The following DOK6 variants were observed in gnomAD, a reference collection of about 807,000 sequenced individuals.
The protein encoded by DOK6 is downstream of tyrosine kinase 6.
In DOK6, 22 loss-of-function variants were observed where a neutral mutation model predicts 44.0. The observed-to-expected ratio is 0.50, with a 90% CI of 0.36 to 0.71. DOK6 has a LOEUF of 0.71. Among genes scored for constraint, DOK6 ranks in the 30% least tolerant of loss-of-function variants. The probability of loss-of-function intolerance (pLI) is 0.00; values close to 1 mark genes in which losing one functional copy is unlikely to be tolerated. For synonymous variants in DOK6, 166 were observed against 145.5 expected (o/e 1.14, Z -1.01); for missense variants, 340 against 416.4 (o/e 0.82, Z 1.60).
At chr18:69,713,374 A>C (rs1419319359) in intron 5 of DOK6, among the ~76,000 whole-genome samples, 2 of 152,198 alleles carry the variant, frequency 1.3e-5, no homozygotes, top group Non-Finnish European at 2.9e-5. Flanking sequence ...TAAAGAACTA[A>C]TACTGTGGGA....
At chr18:69,675,569 G>A (rs544211362) in intron 3 of DOK6, among the ~76,000 whole-genome samples, 1 of 152,196 alleles carries the variant, frequency 6.6e-6, no homozygotes, top group East Asian at 1.9e-4. Context: ...AATGTTAAAT[G>A]ACGAATTAAT....
intron 7 of DOK6, among the ~76,000 whole-genome samples, chr18:69,828,083 T>A (rs985457699): frequency 3.3e-5 from 5 of 151,922 alleles, no homozygotes; most frequent in African/African-American, 1.2e-4. Context: ...AAGTAGTTCC[T>A]TGATTATTAA....
At chr18:69,444,785 G>A (rs1467902232) in intron 1 of DOK6, among the ~76,000 whole-genome samples, 1 of 151,564 alleles carries the variant, frequency 6.6e-6, no homozygotes, top group Non-Finnish European at 1.5e-5. Flanking sequence ...TCTTGAAATT[G>A]AGAAATATGA....
intron 3 of DOK6, among the ~76,000 whole-genome samples, chr18:69,659,073 AG>A (rs2036105322): frequency 6.6e-6 from 1 of 152,372 alleles, no homozygotes; most frequent in African/African-American, 2.4e-5. Flanking sequence ...ATCAAATAGT[AG>A]AACAATATAA....
chr18:69,570,061 G>A (rs1250566992), intron 2 of DOK6, among the ~76,000 whole-genome samples: 1 of 151,552 alleles, frequency 6.6e-6, no homozygotes, highest in Non-Finnish European at 1.5e-5. Flanking sequence ...GTGGATGGAA[G>A]GAGGTTTCAG....
chr18:69,427,331 T>A (rs1253863825), intron 1 of DOK6, among the ~76,000 whole-genome samples: 1 of 152,030 alleles, frequency 6.6e-6, no homozygotes, highest in African/African-American at 2.4e-5. Flanking sequence ...AACAGATACT[T>A]CTCAAAAGAA....
chr18:69,650,446 C>T (rs1287909094), intron 3 of DOK6, among the ~76,000 whole-genome samples: 1 of 152,016 alleles, frequency 6.6e-6, no homozygotes, highest in Non-Finnish European at 1.5e-5. Flanking sequence ...CATGTCAGAC[C>T]CGGGGTCCTA....
chr18:69,713,702 T>G (rs1986820685), intron 5 of DOK6, among the ~76,000 whole-genome samples: 1 of 152,234 alleles, frequency 6.6e-6, no homozygotes, highest in Non-Finnish European at 1.5e-5. Flanking sequence ...TGTACCTTCT[T>G]ACTCTTATAT....
At chr18:69,550,251 C>A (rs1035807462) in intron 1 of DOK6, among the ~76,000 whole-genome samples, 2 of 152,072 alleles carry the variant, frequency 1.3e-5, no homozygotes, top group African/African-American at 4.8e-5. Context: ...ACCTTCCATA[C>A]ATTTTCAGGC....
chr18:69,612,919 T>C (rs1270581098), intron 3 of DOK6, among the ~76,000 whole-genome samples: 1 of 151,992 alleles, frequency 6.6e-6, no homozygotes, highest in Non-Finnish European at 1.5e-5. Flanking sequence ...TCTTGCTCTG[T>C]TGCCCAGGCT....
At chr18:69,474,135 A>T (rs189460037) in intron 1 of DOK6, among the ~76,000 whole-genome samples, 291 of 152,196 alleles carry the variant, frequency 1.9e-3, no homozygotes, top group Admixed American at 5.0e-3. Flanking sequence ...AGATTTTATT[A>T]TATGTGTCCT....
At chr18:69,825,438 T>A (rs1981712638) in intron 7 of DOK6, among the ~76,000 whole-genome samples, 1 of 135,614 alleles carries the variant, frequency 7.4e-6, no homozygotes, top group Non-Finnish European at 1.6e-5. Context: ...TTTTTTTTTT[T>A]TTTTTTTTTT....
At chr18:69,815,649 T>C (rs917921569) in intron 7 of DOK6, among the ~76,000 whole-genome samples, 11 of 152,210 alleles carry the variant, frequency 7.2e-5, no homozygotes, top group Non-Finnish European at 1.6e-4. Flanking sequence ...ATTCCATCTA[T>C]GTATTTTAAG....
rs959081569 is a variant in DOK6, at chr18:69,507,120, C to A, written c.67-57367C>A. 3.3e-5 allele frequency among the ~76,000 whole-genome samples: 5 copies of A among 151,962 alleles called. 1 individual carries two copies. On this transcript the variant is annotated intron_variant, in intron 1 of 7. Coordinates refer to ENST00000382713, the MANE Select transcript of DOK6 (RefSeq NM_152721.6). ...TCGGCTCACTGCAAACTCCACCTCCCGGGTTCAAGCAATTCCCCTGCCTCA... is the reference window on the plus strand; with the variant it reads ...TCGGCTCACTGCAAACTCCACCTCCAGGGTTCAAGCAATTCCCCTGCCTCA...
At chr18:69,470,157 C>G (rs1373576117) in intron 1 of DOK6, 2 of 153,054 alleles carry the variant, frequency 1.3e-5, no homozygotes, top group Non-Finnish European at 2.9e-5. Context: ...TGTGCCCATT[C>G]CTTGGCGTGT....
chr18:69,456,136 A>G lies in DOK6; in HGVS notation c.66+54826A>G, dbSNP rs558440766. Among the ~76,000 whole-genome samples the G allele has an allele frequency of 2.4e-4, 37 of 152,270 alleles. No individual in the cohort carries two copies. The South Asian group carries it at 3.9e-3, about 16-fold the overall frequency. ...CTCAAAACACCCCTCTTTTTTCATG[A>G]TATCAAAACATTGTTTTTATTCCAG... is the stretch of plus-strand genomic sequence containing the variant. On this transcript the variant is annotated intron_variant, in intron 1 of 7. Coordinates refer to ENST00000382713, the MANE Select transcript of DOK6 (RefSeq NM_152721.6).
At chr18:69,507,571 CA>C (rs1177156442) in intron 1 of DOK6, among the ~76,000 whole-genome samples, 1 of 152,034 alleles carries the variant, frequency 6.6e-6, no homozygotes, top group Non-Finnish European at 1.5e-5. Context: ...CTTTCATCAA[CA>C]TTTTATAGAT....
At chr18:69,625,636 T>C (rs1984541723) in intron 3 of DOK6, among the ~76,000 whole-genome samples, 1 of 152,234 alleles carries the variant, frequency 6.6e-6, no homozygotes. Flanking sequence ...TAAAAGCAGG[T>C]ATCTTAATTG....
intron 2 of DOK6, among the ~76,000 whole-genome samples, chr18:69,594,397 T>C (rs1350263890): frequency 2.6e-5 from 4 of 151,968 alleles, no homozygotes; most frequent in Non-Finnish European, 5.9e-5. Context: ...CCATATTACA[T>C]ATTTTAATTT....
Sources: allele counts gnomAD v4.1 joint callset (sites outside exome capture counted in the v4.1 genomes callset), GRCh38; gene constraint gnomAD v4.1.1; transcripts MANE v1.5; gene names NCBI Gene and HGNC (gene_info 2026-07-23, HGNC 2026-07-21).